ARHGAP20: variants seen among roughly 807,000 people sequenced by gnomAD.
The protein encoded by ARHGAP20 is Rho GTPase activating protein 20.
A neutral mutation model predicts 73.7 loss-of-function variants in ARHGAP20; 34 were observed. The observed-to-expected ratio is 0.46, with a 90% CI of 0.35 to 0.61. The LOEUF is 0.61. ARHGAP20 is among the 20% of genes least tolerant of loss of function. ARHGAP20 has a pLI of 0.00. For synonymous variants in ARHGAP20, 523 were observed against 518.2 expected (o/e 1.01, Z -0.13); for missense variants, 1,314 against 1,420.9 (o/e 0.92, Z 1.21).
chr11:110,579,452 G>C lies in ARHGAP20; in HGVS notation c.3494C>G (p.Thr1165Ser). ...PWERASASSWTLEDATSPDSG... is the reference protein window; with the variant it reads ...PWERASASSWSLEDATSPDSG... ...GTCTGGGCTGGTCGCATCCTCTAGAGTCCAAGAGCTGGCTGAGGCTCTTTC... is the reference window on the plus strand; with the variant it reads ...GTCTGGGCTGGTCGCATCCTCTAGACTCCAAGAGCTGGCTGAGGCTCTTTC... Residue 1165 changes from threonine (T) to serine (S), a missense_variant, in exon 15 of 15, where the codon ACT (threonine) becomes AGT (serine). Transcript: ENST00000683387. The C allele has an allele frequency of 6.2e-7, 1 of 1,614,162 alleles. No individual in the cohort carries two copies. Among genetic ancestry groups the C allele is most frequent in the Non-Finnish European group, 8.5e-7 (1 of 1,180,012 alleles).
intron 2 of ARHGAP20, among the ~76,000 whole-genome samples, chr11:110,633,010 T>C (rs764368847): frequency 3.3e-4 from 50 of 152,334 alleles, no homozygotes; most frequent in African/African-American, 8.7e-4. Flanking sequence ...TTTTTTCATA[T>C]GGTGTTTACT....
At chr11:110,698,425 C>A (rs925975764) in intron 1 of ARHGAP20, among the ~76,000 whole-genome samples, 2 of 151,742 alleles carry the variant, frequency 1.3e-5, no homozygotes, top group African/African-American at 4.8e-5. Flanking sequence ...CAGGGAGATA[C>A]TGGTTTCATA....
At chr11:110,646,665 C>T (rs1230681934) in intron 2 of ARHGAP20, among the ~76,000 whole-genome samples, 1 of 152,082 alleles carries the variant, frequency 6.6e-6, no homozygotes, top group South Asian at 2.1e-4. Context: ...ATCTATTTGA[C>T]AAAGGGTGAA....
chr11:110,690,431 T>G (rs1950218810), intron 2 of ARHGAP20, 116 bp downstream of exon 2: 2 of 984,706 alleles, frequency 2.0e-6, no homozygotes, highest in Non-Finnish European at 3.1e-6. Context: ...AACAGAATTC[T>G]GGTGCTGATA....
At chr11:110,668,679 G>A (rs1241148722) in intron 2 of ARHGAP20, among the ~76,000 whole-genome samples, 2 of 150,736 alleles carry the variant, frequency 1.3e-5, no homozygotes, top group Non-Finnish European at 2.9e-5. Context: ...AGAAAAGAAA[G>A]AAAATATATA....
At chr11:110,711,503 G>A (rs1464720005) in intron 1 of ARHGAP20, among the ~76,000 whole-genome samples, 1 of 146,840 alleles carries the variant, frequency 6.8e-6, no homozygotes, top group African/African-American at 2.5e-5. Context: ...CCCTCAAACT[G>A]TGACCCCCAC....
At chr11:110,664,709 C>G (rs1591155641) in intron 2 of ARHGAP20, among the ~76,000 whole-genome samples, 1 of 122,502 alleles carries the variant, frequency 8.2e-6, no homozygotes, top group Non-Finnish European at 1.6e-5. Context: ...GCCTGGGCGA[C>G]AGAGTGAGAC....
intron 2 of ARHGAP20, among the ~76,000 whole-genome samples, chr11:110,641,197 C>T (rs1004572083): frequency 3.3e-5 from 5 of 151,696 alleles, no homozygotes; most frequent in African/African-American, 9.7e-5. Context: ...AAAACATAAA[C>T]GTTAAGTAAG....
At chr11:110,614,538 T>C (rs1345027285) in intron 6 of ARHGAP20, 23 bp downstream of exon 6, 16 of 1,593,862 alleles carry the variant, frequency 1.0e-5, no homozygotes, top group Non-Finnish European at 1.4e-5. Flanking sequence ...TGGAATTTAA[T>C]TTTCTGGCTT....
chr11:110,606,957 A>G (rs1948247597), intron 8 of ARHGAP20, among the ~76,000 whole-genome samples: 1 of 152,130 alleles, frequency 6.6e-6, no homozygotes, highest in African/African-American at 2.4e-5. Flanking sequence ...AGGAGGGAGA[A>G]AAAGAAGAAA....
intron 3 of ARHGAP20, among the ~76,000 whole-genome samples, chr11:110,624,582 C>T (rs1312694732): frequency 2.0e-5 from 3 of 151,152 alleles, no homozygotes; most frequent in Admixed American, 6.6e-5. Flanking sequence ...CCATGGCACA[C>T]GTAACCCTAT....
chr11:110,613,388 T>C (rs1948412111), intron 6 of ARHGAP20, among the ~76,000 whole-genome samples: 1 of 152,216 alleles, frequency 6.6e-6, no homozygotes, highest in Non-Finnish European at 1.5e-5. Context: ...AGTCTTGTTA[T>C]GAAAGCTACT....
Position 110,579,065 on chromosome 11 carries a change from T to G in ARHGAP20, c.*305A>C. ...ACATCAATCTCACAGACTGTTCCCA[T>G]AAGTGCTTCCTCTGCAGAAGATGCT... is the stretch of plus-strand genomic sequence containing the variant. On this transcript the variant is annotated 3_prime_UTR_variant, in exon 15 of 15. Transcript: ENST00000683387. 9.7e-7 allele frequency: 1 copy of G among 1,026,510 alleles called. No homozygotes were observed. Among genetic ancestry groups the G allele is most frequent in the Non-Finnish European group, 1.2e-6 (1 of 853,776 alleles). 63.6% of individuals were successfully genotyped at this position (1,026,510 alleles called of 1,614,324 possible).
chr11:110,581,238 T>C lies in ARHGAP20; in HGVS notation c.1721-13A>G. On this transcript the variant is annotated splice_polypyrimidine_tract_variant and intron_variant, in intron 14 of 14. Transcript: ENST00000683387. ...AAGCAAGAAATATCTGTCAAAAAAATTAAACCATGATTAACATATTTACTT... is the reference window on the plus strand; with the variant it reads ...AAGCAAGAAATATCTGTCAAAAAAACTAAACCATGATTAACATATTTACTT... 1 of 1,592,626 alleles carries C rather than the reference T, an allele frequency of 6.3e-7. No individual in the cohort carries two copies. Among genetic ancestry groups the C allele is most frequent in the African/African-American group, 1.3e-5 (1 of 74,082 alleles).
intron 2 of ARHGAP20, among the ~76,000 whole-genome samples, chr11:110,668,604 G>A (rs576016157): frequency 5.7e-4 from 87 of 151,994 alleles, no homozygotes; most frequent in Admixed American, 1.5e-3. Context: ...AACCAAGATC[G>A]CACCACTGCA....
intron 2 of ARHGAP20, among the ~76,000 whole-genome samples, chr11:110,643,251 A>AT (rs1411424894): frequency 1.3e-5 from 2 of 151,996 alleles, no homozygotes; most frequent in Non-Finnish European, 2.9e-5. Context: ...TTTTGTATAG[A>AT]TTTTTATGTC....
In ARHGAP20 at chr11:110,580,103, G is replaced by C; in HGVS notation, c.2843C>G (p.Ser948Ter). 1 of 1,614,206 alleles carries C rather than the reference G, an allele frequency of 6.2e-7. No individual in the cohort carries two copies. The highest frequency in any genetic ancestry group is 8.5e-7 in the Non-Finnish European group (1 of 1,180,036). Residue 948 changes from serine to a stop codon, truncating the protein, a stop_gained, in exon 15 of 15, where the codon TCA becomes TGA. Coordinates refer to ENST00000683387, the MANE Select transcript of ARHGAP20 (RefSeq NM_001384657.1). LOFTEE classifies it low-confidence loss of function (END_TRUNC). ...LSSPGTSPSG[S>*]SVSSQDSAFS... ...AGCACTGTCTTGGGAGCTTACTGAT[G>C]AGCCGGATGGGGAAGTGCCTGGGGA... is the stretch of plus-strand genomic sequence containing the variant.
intron 2 of ARHGAP20, among the ~76,000 whole-genome samples, chr11:110,661,962 C>T (rs1346567101): frequency 2.0e-5 from 3 of 151,986 alleles, no homozygotes; most frequent in African/African-American, 7.2e-5. Flanking sequence ...CATAATAATT[C>T]ATCAGTAAGG....
In ARHGAP20 at chr11:110,600,123, G is replaced by A. The variant is rs569946135; in HGVS notation, c.964+6438C>T. Among the ~76,000 whole-genome samples, 13 of 152,360 alleles carry A rather than the reference G, an allele frequency of 8.5e-5. No homozygotes were observed. The East Asian group carries it at 2.5e-3, about 29-fold the overall frequency. The stretch of plus-strand genomic sequence containing the variant: ...TGTACCTCATTCTTCCTGGTCACAG[G>A]ATGAGAACTTCAGATCCGCTGAATG... On this transcript the variant is annotated intron_variant, in intron 9 of 14. Coordinates refer to ENST00000683387, the MANE Select transcript of ARHGAP20 (RefSeq NM_001384657.1).
Sources: gnomAD v4.1 joint callset for allele counts (sites outside exome capture counted in the v4.1 genomes callset) on GRCh38, gnomAD v4.1.1 for gene constraint, MANE v1.5 for transcripts, NCBI Gene and HGNC (gene_info 2026-07-23, HGNC 2026-07-21) for gene names.